The following PYHIN1 variants were observed in gnomAD, a reference collection of about 807,000 sequenced individuals.
The protein encoded by PYHIN1 is pyrin and HIN domain family member 1.
In PYHIN1, 32 loss-of-function variants were observed where a neutral mutation model predicts 43.7. The ratio of observed to expected loss-of-function variants is 0.73; its 90% confidence interval spans 0.55 to 0.98. PYHIN1 has a LOEUF of 0.98. Ranked by LOEUF, PYHIN1 falls within the 50% of genes least tolerant of loss-of-function variation. The pLI, the probability that PYHIN1 is intolerant of heterozygous loss-of-function variation, is 0.00. For missense variants in PYHIN1, 588 were observed against 589.5 expected (o/e 1.00, Z 0.03); for synonymous variants, 205 against 203.1 (o/e 1.01, Z -0.08).
At chr1:158,987,158 A>G in the PYHIN1 span, among the ~76,000 whole-genome samples, 3 of 152,200 alleles carry the variant, frequency 2.0e-5, no homozygotes, top group Non-Finnish European at 2.9e-5. Flanking sequence ...CAAAGTGGCT[A>G]CAACAATTTA....
At chr1:158,965,544 C>T (rs892478537) in intron 7 of PYHIN1, among the ~76,000 whole-genome samples, 1 of 152,114 alleles carries the variant, frequency 6.6e-6, no homozygotes, top group African/African-American at 2.4e-5. Context: ...TACCAACCAC[C>T]TTCTCAGAAC....
At chr1:158,958,211 A>T (rs1489365901) in intron 7 of PYHIN1, among the ~76,000 whole-genome samples, 1 of 151,696 alleles carries the variant, frequency 6.6e-6, no homozygotes, top group Non-Finnish European at 1.5e-5. Context: ...TTCCTCAGGG[A>T]TCTAGAATTA....
At position 158,933,537 on chromosome 1, in the gene PYHIN1, T is replaced by G. The variant is rs561561847; in HGVS notation, c.-21+1761T>G. On this transcript the variant is annotated intron_variant, in intron 1 of 8. Transcript: ENST00000368140. The surrounding 1 kb of genome is among the most constrained non-coding windows in gnomAD (Gnocchi z 6.3). ...TTTTTTTTCATCTTTCAGTGATCTT[T>G]TACTGACAACATACATATAGAAATT... Among the ~76,000 whole-genome samples the G allele has an allele frequency of 1.3e-5, 2 of 152,148 alleles. No homozygotes were observed. The highest frequency in any genetic ancestry group is 4.1e-4 in the South Asian group (2 of 4,820).
intron 7 of PYHIN1, among the ~76,000 whole-genome samples, chr1:158,950,895 T>G (rs1649492880): frequency 6.6e-6 from 1 of 152,206 alleles, no homozygotes; most frequent in Non-Finnish European, 1.5e-5. Context: ...TCAGTTTTAA[T>G]TTTTGTGGGC....
chr1:158,972,162 T>G (rs13376502), intron 7 of PYHIN1, among the ~76,000 whole-genome samples: 1,583 of 152,024 alleles, frequency 0.01, 35 homozygotes, highest in African/African-American at 0.037. Flanking sequence ...TTTCAAAGTG[T>G]ATAGTCTGCA....
intron 1 of PYHIN1, among the ~76,000 whole-genome samples, chr1:158,934,562 A>G (rs1032775207): frequency 6.6e-6 from 1 of 152,110 alleles, no homozygotes; most frequent in Admixed American, 6.6e-5. Context: ...CAGTTTCACT[A>G]TATGTCTTTG....
At chr1:158,972,854 G>T (rs1557845699) in intron 7 of PYHIN1, among the ~76,000 whole-genome samples, 2 of 151,900 alleles carry the variant, frequency 1.3e-5, no homozygotes, top group African/African-American at 4.8e-5. Context: ...TATAATACTT[G>T]TCACCACAGT....
At chr1:158,967,591 G>A (rs1216344394) in intron 7 of PYHIN1, among the ~76,000 whole-genome samples, 1 of 151,742 alleles carries the variant, frequency 6.6e-6, no homozygotes, top group Non-Finnish European at 1.5e-5. Context: ...TAGAAAACAC[G>A]ATTTTAAAAT....
chr1:158,943,940 A>G lies in PYHIN1; in HGVS notation c.1153A>G (p.Met385Val). ...FCFRLRKRENMSKLMSEMHSF... is the reference protein window; with the variant it reads ...FCFRLRKRENVSKLMSEMHSF... Reference sequence around the variant, plus strand: ...CTTTCGACTGAGAAAGAGGGAAAATATGTCAAAACTGATGTCAGAAATGCA... The same window carrying G: ...CTTTCGACTGAGAAAGAGGGAAAATGTGTCAAAACTGATGTCAGAAATGCA... The change falls in exon 6 of 9, where the codon ATG becomes GTG. Residue 385 changes from methionine to valine, a missense_variant. Physicochemically the swap from Met to Val is conservative, Grantham distance 21. Coordinates refer to ENST00000368140, the MANE Select transcript of PYHIN1 (RefSeq NM_152501.5). 1 of 1,607,486 alleles carries G rather than the reference A, an allele frequency of 6.2e-7. No homozygotes were observed. Among genetic ancestry groups the G allele is most frequent in the Admixed American group, 1.7e-5 (1 of 59,918 alleles).
downstream of PYHIN1, among the ~76,000 whole-genome samples, chr1:158,979,695 A>G (rs1271203095): frequency 1.3e-5 from 2 of 152,188 alleles, no homozygotes; most frequent in African/African-American, 4.8e-5. Flanking sequence ...TACCAAGAAG[A>G]ATAAATCTTG....
At chr1:158,985,079 C>T in the PYHIN1 span, among the ~76,000 whole-genome samples, 1 of 152,108 alleles carries the variant, frequency 6.6e-6, no homozygotes, top group Non-Finnish European at 1.5e-5. Context: ...TTGAAGACAG[C>T]ATGTAATTGA....
chr1:158,944,822 T>G, intron 6 of PYHIN1, 53 bp from the exon 7 acceptor site: 1 of 1,324,196 alleles, frequency 7.6e-7, no homozygotes, highest in Non-Finnish European at 1.0e-6. Context: ...TTTAAAGATG[T>G]TTTGCTTTCC....
At chr1:158,934,306 T>C (rs1431593894) in intron 1 of PYHIN1, among the ~76,000 whole-genome samples, 1 of 152,242 alleles carries the variant, frequency 6.6e-6, no homozygotes, top group East Asian at 1.9e-4. Context: ...ACATCTGGTT[T>C]CATTTTGCAA....
intron 7 of PYHIN1, among the ~76,000 whole-genome samples, chr1:158,970,853 C>G (rs186900181): frequency 1.3e-5 from 2 of 152,016 alleles, no homozygotes; most frequent in Admixed American, 1.3e-4. Context: ...TATTGCATAT[C>G]CATGAAGATA....
intron 7 of PYHIN1, among the ~76,000 whole-genome samples, chr1:158,952,330 G>C (rs1245701679): frequency 6.6e-6 from 1 of 151,632 alleles, no homozygotes; most frequent in Non-Finnish European, 1.5e-5. Context: ...CTGCTTGCTT[G>C]GCCGCACAAC....
chr1:158,984,942 G>T, the PYHIN1 span, among the ~76,000 whole-genome samples: 1 of 150,084 alleles, frequency 6.7e-6, no homozygotes, highest in Non-Finnish European at 1.5e-5. Flanking sequence ...TTGGTTTAAG[G>T]TCTGTTTTTT....
chr1:158,944,210 T>G (rs554465252), intron 6 of PYHIN1, among the ~76,000 whole-genome samples: 392 of 152,288 alleles, frequency 2.6e-3, no homozygotes, highest in African/African-American at 9.1e-3. Context: ...TTAAAATATT[T>G]GAAGAAACTA....
At chr1:158,970,882 A>G (rs1285894270) in intron 7 of PYHIN1, among the ~76,000 whole-genome samples, 1 of 152,034 alleles carries the variant, frequency 6.6e-6, no homozygotes, top group Non-Finnish European at 1.5e-5. Context: ...ATCTCATTTC[A>G]CATATGAGAA....
intron 7 of PYHIN1, among the ~76,000 whole-genome samples, chr1:158,951,182 T>C (rs1350035239): frequency 6.6e-6 from 1 of 152,178 alleles, no homozygotes; most frequent in Non-Finnish European, 1.5e-5. Flanking sequence ...TTTGCTTAGA[T>C]AAGTTTCTCC....
Sources: gnomAD v4.1 joint callset for allele counts (sites outside exome capture counted in the v4.1 genomes callset) on GRCh38, gnomAD v4.1.1 for gene constraint, Gnocchi (gnomAD v3.1) non-coding constraint, MANE v1.5 for transcripts, NCBI Gene and HGNC (gene_info 2026-07-23, HGNC 2026-07-21) for gene names.